Variants in SLC1A1 observed in about 807,000 individuals in gnomAD.
SLC1A1 encodes the protein solute carrier family 1 member 1.
A neutral mutation model predicts 53.3 loss-of-function variants in SLC1A1; 43 were observed. The ratio of observed to expected loss-of-function variants is 0.81; its 90% CI spans 0.63 to 1.04. The LOEUF (loss-of-function observed/expected upper bound fraction) is 1.04. Among genes scored for constraint, SLC1A1 ranks in the 50% least tolerant of loss-of-function variants. SLC1A1 has a pLI of 0.00. For missense variants in SLC1A1, 748 were observed against 664.9 expected (o/e 1.12, Z -1.37); for synonymous variants, 307 against 243.2 (o/e 1.26, Z -2.44).
intron 1 of SLC1A1, among the ~76,000 whole-genome samples, chr9:4,541,246 G>T (rs545945381): frequency 6.6e-6 from 1 of 152,192 alleles, no homozygotes; most frequent in African/African-American, 2.4e-5. Context: ...CAAGCAAAAA[G>T]CTGGGAATAG....
At chr9:4,491,859 C>T (rs1255557379) in intron 1 of SLC1A1, among the ~76,000 whole-genome samples, 1 of 152,214 alleles carries the variant, frequency 6.6e-6, no homozygotes, top group Admixed American at 6.5e-5. Context: ...GTACCTTCCT[C>T]TCCAACTGCT....
At chr9:4,493,011 A>C (rs1820291035) in intron 1 of SLC1A1, among the ~76,000 whole-genome samples, 1 of 152,180 alleles carries the variant, frequency 6.6e-6, no homozygotes. Context: ...CTTTGGAATC[A>C]GTTGCGTGAA....
intron 1 of SLC1A1, among the ~76,000 whole-genome samples, chr9:4,527,594 G>C (rs990756752): frequency 3.3e-5 from 5 of 152,094 alleles, no homozygotes; most frequent in African/African-American, 1.2e-4. Flanking sequence ...AATTTTGATG[G>C]AGATAATCAA....
At chr9:4,522,273 G>A (rs371367630) in intron 1 of SLC1A1, among the ~76,000 whole-genome samples, 47 of 151,924 alleles carry the variant, frequency 3.1e-4, no homozygotes, top group Non-Finnish European at 5.7e-4. Flanking sequence ...GGATGGTCTC[G>A]ATCTCCTGAC....
intron 1 of SLC1A1, among the ~76,000 whole-genome samples, chr9:4,542,049 G>C (rs1303064116): frequency 6.6e-6 from 1 of 152,092 alleles, no homozygotes; most frequent in African/African-American, 2.4e-5. Flanking sequence ...TAACTCCTAG[G>C]TGAGGTCATT....
At chr9:4,525,949 T>C (rs766461765) in intron 1 of SLC1A1, among the ~76,000 whole-genome samples, 22 of 152,260 alleles carry the variant, frequency 1.4e-4, no homozygotes, top group African/African-American at 4.8e-4. Context: ...AAATACCATA[T>C]AATAATTCAC....
At chr9:4,520,782 G>C (rs1449962987) in intron 1 of SLC1A1, among the ~76,000 whole-genome samples, 2 of 152,154 alleles carry the variant, frequency 1.3e-5, no homozygotes, top group Non-Finnish European at 2.9e-5. Flanking sequence ...TATATATCTA[G>C]GCATGCAATT....
At chr9:4,554,686 C>T (rs768228426) in intron 2 of SLC1A1, among the ~76,000 whole-genome samples, 5 of 152,198 alleles carry the variant, frequency 3.3e-5, no homozygotes, top group Non-Finnish European at 5.9e-5. Context: ...CAGGCAGGTG[C>T]CTCCCCTGCA....
rs1273872281 is a variant in SLC1A1, at chr9:4,556,644, C to T, written c.233-4805C>T. ...TTGGGACTAAGTTGGGCCTGATCTT[C>T]GACGTCAACGCCAGTTAAGAGTCTA... On this transcript the variant is annotated intron_variant, in intron 2 of 11. Transcript: ENST00000262352. The surrounding 1 kb of genome is among the most constrained non-coding windows in gnomAD (Gnocchi z 4.1). Among the ~76,000 whole-genome samples, 1 of 152,132 alleles carries T rather than the reference C, an allele frequency of 6.6e-6. No individual in the cohort carries two copies. Among genetic ancestry groups the T allele is most frequent in the African/African-American group, 2.4e-5 (1 of 41,418 alleles).
chr9:4,576,801 C>T, intron 10 of SLC1A1, 38 bp downstream of exon 10: 3 of 1,563,388 alleles, frequency 1.9e-6, no homozygotes, highest in Non-Finnish European at 2.6e-6. Context: ...ATCACTGATA[C>T]AGGGATTACC....
At chr9:4,498,988 TTATATATAAGATTATATATTATA>T (rs1290376421) in intron 1 of SLC1A1, among the ~76,000 whole-genome samples, 3 of 136,308 alleles carry the variant, frequency 2.2e-5, no homozygotes, top group Non-Finnish European at 4.5e-5. Context: ...ATCTTATATA[TTATATATAAGATTATATATTATA>T]TATATATAAG....
Position 4,585,783 on chromosome 9 carries a change from A to G in SLC1A1, c.*225A>G. On this transcript the variant is annotated 3_prime_UTR_variant, in exon 12 of 12. Coordinates refer to ENST00000262352, the MANE Select transcript of SLC1A1 (RefSeq NM_004170.6). The stretch of plus-strand genomic sequence containing the variant: ...GGAAATCAATTTAAAGGAAAGTTCT[A>G]TTATCTGGGTTTTAGAAATTCTATA... 1 of 567,284 alleles carries G rather than the reference A, an allele frequency of 1.8e-6. No individual in the cohort carries two copies. The highest frequency in any genetic ancestry group is 3.1e-6 in the Non-Finnish European group (1 of 320,130). The allele number at this position is 567,284 out of a possible 1,614,324, so 35.1% of individuals were successfully genotyped here. A position where few individuals can be genotyped will look rare whatever the true frequency, so the allele number is the denominator to read the frequency against.
Position 4,501,764 on chromosome 9 carries a change from CCAAAA to C in SLC1A1, c.91+11019_91+11023del, listed in dbSNP as rs140029812. 1.5e-4 allele frequency among the ~76,000 whole-genome samples: 22 copies of C among 150,852 alleles called. 2 individuals are homozygous for C. The highest frequency in any genetic ancestry group is 3.5e-4 in the African/African-American group (14 of 40,424). On this transcript the variant is annotated intron_variant, in intron 1 of 11. Transcript: ENST00000262352. ...GGGCAATGAGAGCTAAACTCCATCT[CCAAAA>C]CAAAACAAAACAAAACAAAACAAAG...
rs752836977 is a variant in SLC1A1, at chr9:4,576,648, C to A, written c.1078C>A (p.Pro360Thr). The change falls in exon 10 of 12, where the codon CCC becomes ACC. Residue 360 changes from proline to threonine, a missense_variant. Coordinates refer to ENST00000262352, the MANE Select transcript of SLC1A1 (RefSeq NM_004170.6). ...CAAGAGGATCACTCGATTCGTGTTA[C>A]CCGTTGGTGCAACAATCAACATGGA... is the stretch of plus-strand genomic sequence containing the variant. ...VDKRITRFVL[P>T]VGATINMDGT... 9 of 1,613,980 alleles carry A rather than the reference C, an allele frequency of 5.6e-6. No homozygotes were observed. In the East Asian group the frequency reaches 1.8e-4, roughly 32 times the overall value.
intron 2 of SLC1A1, among the ~76,000 whole-genome samples, 190 bp from the exon 3 acceptor site, chr9:4,561,259 G>A (rs368176194): frequency 6.6e-6 from 1 of 152,172 alleles, no homozygotes; most frequent in African/African-American, 2.4e-5. Context: ...ACTTGCACCT[G>A]ACTGGGCTTC....
chr9:4,547,204 T>C (rs918998508), intron 2 of SLC1A1, among the ~76,000 whole-genome samples: 4 of 152,244 alleles, frequency 2.6e-5, no homozygotes, highest in Admixed American at 2.0e-4. Context: ...TCTAGTGAGA[T>C]TTTTGCAGTC....
intron 1 of SLC1A1, among the ~76,000 whole-genome samples, chr9:4,529,813 C>G (rs1816400266): frequency 6.6e-6 from 1 of 152,106 alleles, no homozygotes; most frequent in Non-Finnish European, 1.5e-5. Context: ...GCCACCATAC[C>G]TGGACTCATT....
intron 1 of SLC1A1, among the ~76,000 whole-genome samples, chr9:4,496,390 CTTTCTTTT>C (rs1820423005): frequency 6.6e-6 from 1 of 152,026 alleles, no homozygotes; most frequent in South Asian, 2.1e-4. Flanking sequence ...GAGTATTTTT[CTTTCTTTT>C]TTTAAGAGAC....
In SLC1A1 at chr9:4,537,409, A is replaced by C. The variant is rs552592671; in HGVS notation, c.92-7158A>C. Among the ~76,000 whole-genome samples, 13 of 91,824 alleles carry C rather than the reference A, an allele frequency of 1.4e-4. 2 individuals carry two copies. The highest frequency in any genetic ancestry group is 5.5e-4 in the African/African-American group (13 of 23,748). 60.2% of individuals were successfully genotyped at this position (91,824 alleles called of 152,430 possible). ...CCCGTCTCTACTAAAAATACAAAAA[A>C]TTAGCCGGGCGCGGTGGCGGGCGCC... On this transcript the variant is annotated intron_variant, in intron 1 of 11. Coordinates refer to ENST00000262352, the MANE Select transcript of SLC1A1 (RefSeq NM_004170.6).
Sources: allele counts gnomAD v4.1 joint callset (sites outside exome capture counted in the v4.1 genomes callset), GRCh38; gene constraint gnomAD v4.1.1; non-coding constraint Gnocchi (gnomAD v3.1); transcripts MANE v1.5; gene names NCBI Gene and HGNC (gene_info 2026-07-23, HGNC 2026-07-21).